The following CTSO variants were observed in gnomAD, a reference collection of about 807,000 sequenced individuals.
The protein encoded by CTSO is cathepsin O.
Under a neutral mutation model 42.4 loss-of-function variants are expected in CTSO, and 40 were observed. The observed-to-expected ratio is 0.94, with a 90% confidence interval of 0.73 to 1.23. The LOEUF (loss-of-function observed/expected upper bound fraction) is 1.23. CTSO is among the 50% of genes most tolerant of loss of function. CTSO has a pLI of 0.00. For missense variants in CTSO, 441 were observed against 396.0 expected, an observed-to-expected ratio of 1.11 and a Z score of -0.96; for synonymous variants, 156 against 146.2, an observed-to-expected ratio of 1.07 and a Z score of -0.48.
At chr4:155,934,356 C>A (rs1304827636) in intron 5 of CTSO, among the ~76,000 whole-genome samples, 2 of 152,190 alleles carry the variant, frequency 1.3e-5, no homozygotes, top group African/African-American at 4.8e-5. Flanking sequence ...AGGAGCAGGG[C>A]CCTCATGGAA....
At chr4:155,948,969 G>A (rs1743597775) in intron 1 of CTSO, among the ~76,000 whole-genome samples, 1 of 152,206 alleles carries the variant, frequency 6.6e-6, no homozygotes, top group African/African-American at 2.4e-5. Flanking sequence ...ATGAAATCAT[G>A]TATTTTCTTC....
chr4:155,943,051 G>A (rs567831953), intron 2 of CTSO, 105 bp downstream of exon 2: 32 of 711,632 alleles, frequency 4.5e-5, no homozygotes, highest in South Asian at 1.1e-4. Flanking sequence ...CTTAATAAAT[G>A]TTAACTATTA....
intron 1 of CTSO, among the ~76,000 whole-genome samples, chr4:155,944,146 G>A (rs550061566): frequency 2.0e-5 from 3 of 152,252 alleles, no homozygotes; most frequent in East Asian, 3.9e-4. Context: ...CTTAGCACAT[G>A]GCTGACACAC....
chr4:155,939,644 G>A (rs1420829044), intron 3 of CTSO, 106 bp from the exon 4 acceptor site: 3 of 1,017,810 alleles, frequency 2.9e-6, no homozygotes, highest in African/African-American at 3.2e-5. Context: ...CCAGATTCTG[G>A]AAACCTACAA....
chr4:155,935,181 T>G lies in CTSO; in HGVS notation c.674+2181A>C, dbSNP rs140699545. Among the ~76,000 whole-genome samples, 790 of 152,314 alleles carry G rather than the reference T, an allele frequency of 5.2e-3. 10 individuals are homozygous for G. The highest frequency in any genetic ancestry group is 0.018 in the African/African-American group (746 of 41,580). On this transcript the variant is annotated intron_variant, in intron 5 of 7. Transcript: ENST00000433477. ...GTTACGCTTTTGCTTCTTCCTCATTTTCTCTTGCTGCCGCCACGTAAGTAG... is the reference window on the plus strand; with the variant it reads ...GTTACGCTTTTGCTTCTTCCTCATTGTCTCTTGCTGCCGCCACGTAAGTAG...
chr4:155,939,667 T>C (rs892453902), intron 3 of CTSO, 129 bp from the exon 4 acceptor site: 2 of 704,072 alleles, frequency 2.8e-6, no homozygotes, highest in Non-Finnish European at 4.4e-6. Flanking sequence ...TAAATACGCC[T>C]ATCCTCTAGA....
intron 5 of CTSO, among the ~76,000 whole-genome samples, chr4:155,931,407 G>T (rs1478362606): frequency 1.3e-5 from 2 of 152,110 alleles, no homozygotes; most frequent in Non-Finnish European, 2.9e-5. Flanking sequence ...AATGCAAAGG[G>T]TAACTGACAT....
chr4:155,946,089 T>C (rs2110932403), intron 1 of CTSO, among the ~76,000 whole-genome samples: 1 of 152,278 alleles, frequency 6.6e-6, no homozygotes, highest in South Asian at 2.1e-4. Flanking sequence ...GTTCTACACG[T>C]GTGTCTGGGA....
At chr4:155,942,555 A>G (rs1201161174) in intron 2 of CTSO, 99 bp from the exon 3 acceptor site, 2 of 468,886 alleles carry the variant, frequency 4.3e-6, no homozygotes, top group Non-Finnish European at 6.0e-6. Flanking sequence ...GACAATCAAT[A>G]TTATATTATA....
At chr4:155,939,246 A>T in intron 4 of CTSO, 125 bp downstream of exon 4, 2 of 754,458 alleles carry the variant, frequency 2.7e-6, no homozygotes, top group Non-Finnish European at 4.0e-6. Flanking sequence ...TCATGCTTTG[A>T]TCATCTACAT....
intron 3 of CTSO, among the ~76,000 whole-genome samples, chr4:155,939,918 C>T (rs988724405): frequency 1.3e-5 from 2 of 152,084 alleles, no homozygotes; most frequent in African/African-American, 2.4e-5. Context: ...CGACTCCCGC[C>T]CCAACCTTCC....
At chr4:155,946,703 T>C (rs1041992042) in intron 1 of CTSO, among the ~76,000 whole-genome samples, 1 of 152,194 alleles carries the variant, frequency 6.6e-6, no homozygotes, top group Non-Finnish European at 1.5e-5. Flanking sequence ...ATACAAATTG[T>C]TGACTTCCTG....
chr4:155,927,558 A>C (rs533107552), intron 7 of CTSO, among the ~76,000 whole-genome samples: 393 of 152,300 alleles, frequency 2.6e-3, no homozygotes, highest in African/African-American at 8.9e-3. Flanking sequence ...TCACGAGGTC[A>C]GGAGATTGAG....
At chr4:155,939,133 T>A (rs541363386) in intron 4 of CTSO, among the ~76,000 whole-genome samples, 1 of 152,306 alleles carries the variant, frequency 6.6e-6, no homozygotes, top group African/African-American at 2.4e-5. Flanking sequence ...GAAATAAATA[T>A]AAATATTTCT....
chr4:155,929,179 A>T (rs1743186603), intron 6 of CTSO, among the ~76,000 whole-genome samples: 1 of 152,222 alleles, frequency 6.6e-6, no homozygotes, highest in Admixed American at 6.5e-5. Context: ...CCCATAAGGA[A>T]TACTTTTAGT....
At chr4:155,951,894 T>A (rs1743681214) in intron 1 of CTSO, among the ~76,000 whole-genome samples, 1 of 152,052 alleles carries the variant, frequency 6.6e-6, no homozygotes, top group Non-Finnish European at 1.5e-5. Flanking sequence ...TCCATCCATC[T>A]CCCCCACTTC....
chr4:155,937,946 A>T (rs2110919603), intron 4 of CTSO, among the ~76,000 whole-genome samples: 1 of 152,212 alleles, frequency 6.6e-6, no homozygotes, highest in Non-Finnish European at 1.5e-5. Context: ...TTATAAATTA[A>T]ATCTTTAGGT....
chr4:155,943,750 C>T (rs1743482331), intron 1 of CTSO, among the ~76,000 whole-genome samples: 1 of 152,126 alleles, frequency 6.6e-6, no homozygotes, highest in South Asian at 2.1e-4. Context: ...CAATCTGATT[C>T]TATTAAAGCT....
At chr4:155,935,354 C>T (rs1743311617) in intron 5 of CTSO, among the ~76,000 whole-genome samples, 1 of 152,054 alleles carries the variant, frequency 6.6e-6, no homozygotes, top group Admixed American at 6.6e-5. Context: ...GACCTCATCT[C>T]CTACTAGTCT....
Sources: gnomAD v4.1 joint callset for allele counts (sites outside exome capture counted in the v4.1 genomes callset) on GRCh38, gnomAD v4.1.1 for gene constraint, MANE v1.5 for transcripts, NCBI Gene and HGNC (gene_info 2026-07-23, HGNC 2026-07-21) for gene names.